Variants in DPP6 observed in about 807,000 individuals in gnomAD.
DPP6 encodes the protein dipeptidyl peptidase like 6, also known as A-type potassium channel modulatory protein DPP6.
DPP6 carries 69 observed loss-of-function variants against 122.6 expected under a neutral mutation model. The observed-to-expected ratio is 0.56, with a 90% CI of 0.46 to 0.69. The LOEUF (loss-of-function observed/expected upper bound fraction) is 0.69. DPP6 is among the 30% of genes least tolerant of loss of function. The pLI is 0.00. For synonymous variants in DPP6, 418 were observed against 433.1 expected (o/e 0.97, Z 0.43); for missense variants, 928 against 1,116.9 (o/e 0.83, Z 2.41).
intron 8 of DPP6, among the ~76,000 whole-genome samples, chr7:154,746,210 TC>T (rs1467276165): frequency 2.6e-5 from 4 of 152,072 alleles, no homozygotes; most frequent in Admixed American, 2.6e-4. Context: ...GCCTCTGAGT[TC>T]CAAAGACACA....
At chr7:153,885,593 G>T (rs1274889662), upstream of DPP6, among the ~76,000 whole-genome samples, 2 of 152,150 alleles carry the variant, frequency 1.3e-5, no homozygotes, top group Admixed American at 6.5e-5. Flanking sequence ...CCAGAACTGT[G>T]AGAAATAAAT....
intron 1 of DPP6, among the ~76,000 whole-genome samples, chr7:154,181,714 T>G (rs1798092735): frequency 6.6e-6 from 1 of 152,036 alleles, no homozygotes; most frequent in Admixed American, 6.6e-5. Context: ...TAAAAACACT[T>G]GAGGTGTGGT....
intron 1 of DPP6, among the ~76,000 whole-genome samples, chr7:154,007,744 AG>A (rs1797973745): frequency 1.3e-5 from 2 of 152,110 alleles, no homozygotes; most frequent in Admixed American, 1.3e-4. Flanking sequence ...TGGGTTCTGC[AG>A]GGCCTGCTGC....
At chr7:154,343,112 A>G (rs1810073806) in intron 1 of DPP6, among the ~76,000 whole-genome samples, 1 of 152,190 alleles carries the variant, frequency 6.6e-6, no homozygotes, top group Non-Finnish European at 1.5e-5. Context: ...TGCTAAAATG[A>G]CACTGGTTTG....
the DPP6 span, among the ~76,000 whole-genome samples, chr7:153,819,138 A>G: frequency 8.2e-5 from 10 of 122,668 alleles, no homozygotes; most frequent in African/African-American, 3.2e-4. Flanking sequence ...TTATATAGGT[A>G]AAGGGTAAAC....
At chr7:154,307,402 C>T (rs779512494) in intron 1 of DPP6, among the ~76,000 whole-genome samples, 1 of 152,204 alleles carries the variant, frequency 6.6e-6, no homozygotes, top group Non-Finnish European at 1.5e-5. Context: ...GAAGAAGCAG[C>T]TGTCCTCATC....
intron 16 of DPP6, among the ~76,000 whole-genome samples, chr7:154,826,084 A>G (rs1800124733): frequency 6.6e-6 from 1 of 152,214 alleles, no homozygotes; most frequent in South Asian, 2.1e-4. Context: ...TGATCATTAC[A>G]AGAATGGGAG....
At chr7:154,547,444 C>T (rs1207599093) in intron 4 of DPP6, among the ~76,000 whole-genome samples, 2 of 152,204 alleles carry the variant, frequency 1.3e-5, no homozygotes, top group African/African-American at 4.8e-5. Context: ...CATTTGCTCA[C>T]AGAGAGCAAA....
chr7:154,643,585 C>T (rs1476761554), intron 6 of DPP6, among the ~76,000 whole-genome samples: 1 of 151,682 alleles, frequency 6.6e-6, no homozygotes, highest in African/African-American at 2.4e-5. Flanking sequence ...TCTCCTGCCT[C>T]AGCCTCCTGA....
At chr7:153,953,801 A>T (rs541710372) in intron 1 of DPP6, among the ~76,000 whole-genome samples, 6 of 152,340 alleles carry the variant, frequency 3.9e-5, no homozygotes, top group African/African-American at 1.2e-4. Flanking sequence ...AACAGGATAG[A>T]TGAGTGCATG....
chr7:153,962,696 G>T (rs913085237), intron 1 of DPP6, among the ~76,000 whole-genome samples: 9 of 152,124 alleles, frequency 5.9e-5, no homozygotes, highest in African/African-American at 1.9e-4. Flanking sequence ...AAATGTTCTT[G>T]TTTCTCTGTG....
chr7:154,732,045 G>T (rs1247567463), intron 8 of DPP6, among the ~76,000 whole-genome samples: 8 of 145,700 alleles, frequency 5.5e-5, no homozygotes, highest in African/African-American at 1.3e-4. Flanking sequence ...TCTTTTGTTT[G>T]TTTTTTTTTT....
chr7:154,428,416 G>A (rs1431417717), intron 1 of DPP6, among the ~76,000 whole-genome samples: 1 of 152,156 alleles, frequency 6.6e-6, no homozygotes, highest in Non-Finnish European at 1.5e-5. Context: ...ACATTTAAGA[G>A]TAAATGTGGA....
intron 7 of DPP6, among the ~76,000 whole-genome samples, chr7:154,673,529 G>A (rs533343953): frequency 2.6e-5 from 4 of 152,300 alleles, no homozygotes; most frequent in African/African-American, 9.6e-5. Flanking sequence ...TTAGTGGAGT[G>A]GGTGGGAGGA....
At chr7:154,590,656 T>C (rs1191909225) in intron 5 of DPP6, among the ~76,000 whole-genome samples, 1 of 149,506 alleles carries the variant, frequency 6.7e-6, no homozygotes, top group Non-Finnish European at 1.5e-5. Context: ...TGCCTCAGCC[T>C]CTCGAGTAGC....
intron 2 of DPP6, among the ~76,000 whole-genome samples, chr7:154,461,947 C>T (rs1280951193): frequency 3.3e-5 from 5 of 152,086 alleles, no homozygotes; most frequent in Admixed American, 3.3e-4. Flanking sequence ...AGTACAGTGT[C>T]CTGGAGAGTT....
intron 21 of DPP6, among the ~76,000 whole-genome samples, chr7:154,883,064 C>CCCAT (rs1322801162): frequency 1.2e-4 from 18 of 151,024 alleles, no homozygotes; most frequent in East Asian, 9.8e-4. Flanking sequence ...CACACATTCA[C>CCCAT]ACACATGCTC....
chr7:154,615,888 C>T (rs531771945), intron 5 of DPP6, among the ~76,000 whole-genome samples: 5 of 152,318 alleles, frequency 3.3e-5, no homozygotes, highest in South Asian at 2.1e-4. Flanking sequence ...CACTGACTCC[C>T]GCTTCCCACT....
intron 7 of DPP6, among the ~76,000 whole-genome samples, chr7:154,691,744 G>A (rs534387142): frequency 2.4e-4 from 37 of 152,186 alleles, no homozygotes; most frequent in African/African-American, 8.2e-4. Flanking sequence ...GCTTGTGCCC[G>A]GGAGGTGGAG....
Sources: gnomAD v4.1 joint callset for allele counts (sites outside exome capture counted in the v4.1 genomes callset) on GRCh38, gnomAD v4.1.1 for gene constraint, MANE v1.5 for transcripts, NCBI Gene and HGNC (gene_info 2026-07-23, HGNC 2026-07-21) for gene names.